The following PCDH7 variants were observed in gnomAD, a reference collection of about 807,000 sequenced individuals.
PCDH7 encodes protocadherin 7, also known as protocadherin-7.
PCDH7 carries 17 observed loss-of-function variants against 58.9 expected under a neutral mutation model. The observed-to-expected ratio is 0.29, with a 90% confidence interval of 0.20 to 0.43. PCDH7 has a LOEUF of 0.43. Ranked by LOEUF, PCDH7 falls within the 20% of genes least tolerant of loss-of-function variation. The pLI, the probability that PCDH7 is intolerant of heterozygous loss-of-function variation, is 1.00. For missense variants in PCDH7, 1,274 were observed against 1,441.0 expected (o/e 0.88, Z 1.88); for synonymous variants, 664 against 616.4 (o/e 1.08, Z -1.14).
At chr4:31,052,976 T>C (rs1756878307) in intron 3 of PCDH7, among the ~76,000 whole-genome samples, 1 of 152,188 alleles carries the variant, frequency 6.6e-6, no homozygotes, top group African/African-American at 2.4e-5. Context: ...GTGTGACTGC[T>C]ATCTATTCGT....
intron 3 of PCDH7, among the ~76,000 whole-genome samples, chr4:31,126,145 T>TC (rs1208496078): frequency 1.6e-4 from 23 of 147,684 alleles, no homozygotes; most frequent in African/African-American, 5.3e-4. Context: ...TTTTTTTTTT[T>TC]GATACAGAAT....
At chr4:30,935,267 T>C in intron 2 of PCDH7, 1 of 762,918 alleles carries the variant, frequency 1.3e-6, no homozygotes, top group African/African-American at 1.9e-5. Flanking sequence ...AGACTTGCAA[T>C]GTTCATAATA....
intron 1 of PCDH7, among the ~76,000 whole-genome samples, chr4:30,831,067 C>A (rs1404561560): frequency 1.3e-5 from 2 of 152,020 alleles, no homozygotes; most frequent in Non-Finnish European, 2.9e-5. Context: ...TAACGGTTTC[C>A]CACAGGTGTA....
At chr4:31,111,157 A>G (rs1716255971) in intron 3 of PCDH7, among the ~76,000 whole-genome samples, 1 of 152,146 alleles carries the variant, frequency 6.6e-6, no homozygotes, top group African/African-American at 2.4e-5. Context: ...CTAGGTAATT[A>G]TTATTACAAA....
intron 3 of PCDH7, among the ~76,000 whole-genome samples, chr4:31,083,845 T>G (rs1711947657): frequency 6.6e-6 from 1 of 152,224 alleles, no homozygotes; most frequent in African/African-American, 2.4e-5. Context: ...ATATTTTACT[T>G]GTACCACATT....
At chr4:31,144,893 T>C (rs996191334), downstream of PCDH7, 6 of 152,162 alleles carry the variant, frequency 3.9e-5, no homozygotes, top group African/African-American at 1.4e-4. Flanking sequence ...GCAATTCTAG[T>C]ACTTTGTTAG....
At chr4:30,859,903 C>T (rs1016509120) in intron 1 of PCDH7, among the ~76,000 whole-genome samples, 1 of 152,002 alleles carries the variant, frequency 6.6e-6, no homozygotes, top group African/African-American at 2.4e-5. Flanking sequence ...AGTCTCTCAA[C>T]GAATTGGTAC....
At chr4:30,778,606 T>G (rs1722375519) in intron 1 of PCDH7, among the ~76,000 whole-genome samples, 1 of 152,176 alleles carries the variant, frequency 6.6e-6, no homozygotes, top group African/African-American at 2.4e-5. Flanking sequence ...AAGAATTTTT[T>G]TTTGTATTTA....
chr4:30,919,763 A>T (rs965761619), intron 1 of PCDH7, among the ~76,000 whole-genome samples: 5 of 152,264 alleles, frequency 3.3e-5, no homozygotes, highest in Non-Finnish European at 7.4e-5. Flanking sequence ...CTTACAATGG[A>T]TTAGTTCAAT....
intron 2 of PCDH7, among the ~76,000 whole-genome samples, chr4:30,930,997 C>T (rs1169879079): frequency 2.0e-5 from 3 of 151,980 alleles, no homozygotes; most frequent in Non-Finnish European, 4.4e-5. Flanking sequence ...CAAAATATGA[C>T]AGGATAAATG....
chr4:30,914,936 T>C (rs2109409169), intron 1 of PCDH7, among the ~76,000 whole-genome samples: 1 of 152,252 alleles, frequency 6.6e-6, no homozygotes, highest in East Asian at 1.9e-4. Flanking sequence ...ACTGTTTCTT[T>C]CCCATTAAAC....
At chr4:30,828,889 T>A (rs1314327880) in intron 1 of PCDH7, among the ~76,000 whole-genome samples, 1 of 152,014 alleles carries the variant, frequency 6.6e-6, no homozygotes, top group African/African-American at 2.4e-5. Flanking sequence ...AGTTAATCAA[T>A]ATATTTCTTA....
intron 2 of PCDH7, among the ~76,000 whole-genome samples, chr4:30,946,734 G>C (rs1346437713): frequency 6.7e-6 from 1 of 149,652 alleles, no homozygotes. Context: ...GTGTGACAGA[G>C]TCCTGCTCTG....
rs918381504 is a variant in PCDH7, at chr4:30,836,372, G to A, written c.71-83781G>A. ...TAGCTGCAAGGATCCACAGGAGGAA[G>A]TGACCATATGAAATAGAAAACCACG... On this transcript the variant is annotated intron_variant, in intron 1 of 3. Coordinates refer to the PCDH7 transcript ENST00000509759. Among the ~76,000 whole-genome samples the A allele has an allele frequency of 5.9e-5, 9 of 152,316 alleles. No homozygotes were observed. The East Asian group carries it at 1.7e-3, about 29-fold the overall frequency.
intron 1 of PCDH7, among the ~76,000 whole-genome samples, chr4:30,850,234 G>T (rs1732546511): frequency 6.6e-6 from 1 of 152,154 alleles, no homozygotes; most frequent in Non-Finnish European, 1.5e-5. Flanking sequence ...CAAGGTTTTA[G>T]TGTATCTCAA....
intron 3 of PCDH7, among the ~76,000 whole-genome samples, chr4:31,082,906 A>G (rs970436346): frequency 9.8e-5 from 15 of 152,292 alleles, no homozygotes; most frequent in Middle Eastern, 3.4e-3. Context: ...CAGGAGATCG[A>G]GACCATCCTG....
At chr4:30,903,543 A>T (rs1282918757) in intron 1 of PCDH7, among the ~76,000 whole-genome samples, 1 of 152,020 alleles carries the variant, frequency 6.6e-6, no homozygotes, top group East Asian at 1.9e-4. Context: ...TTTATAGAGC[A>T]CTCTACAGTG....
chr4:30,934,416 A>C (rs1745072898), intron 2 of PCDH7, among the ~76,000 whole-genome samples: 1 of 151,996 alleles, frequency 6.6e-6, no homozygotes, highest in Non-Finnish European at 1.5e-5. Context: ...AAGTTTTTTG[A>C]AAATAGCAGA....
intron 1 of PCDH7, among the ~76,000 whole-genome samples, chr4:30,832,376 G>C (rs1249328218): frequency 6.6e-6 from 1 of 151,912 alleles, no homozygotes; most frequent in South Asian, 2.1e-4. Context: ...GGATACATCT[G>C]GTATATTCTG....
Sources: allele counts gnomAD v4.1 joint callset (sites outside exome capture counted in the v4.1 genomes callset), GRCh38; gene constraint gnomAD v4.1.1; transcripts MANE v1.5; gene names NCBI Gene and HGNC (gene_info 2026-07-23, HGNC 2026-07-21).